Variants in BUB1 observed in about 807,000 individuals in gnomAD.
BUB1 encodes mitotic checkpoint serine/threonine-protein kinase BUB1.
A neutral mutation model predicts 135.2 loss-of-function variants in BUB1; 84 were observed. That is an observed-to-expected ratio of 0.62 (90% confidence interval 0.52 to 0.74). The LOEUF (loss-of-function observed/expected upper bound fraction) is 0.74, where lower values mean the gene tolerates loss of function less well. Among genes scored for constraint, BUB1 ranks in the 30% least tolerant of loss-of-function variants. The pLI, the probability that BUB1 is intolerant of heterozygous loss-of-function variation, is 0.00. For missense variants in BUB1, 1,162 were observed against 1,288.3 expected (o/e 0.90, Z 1.50); for synonymous variants, 403 against 434.4 (o/e 0.93, Z 0.90).
Position 110,641,746 on chromosome 2 carries a change from G to C in BUB1, c.2521C>G (p.Leu841Val). The C allele has an allele frequency of 6.2e-7, 1 of 1,611,182 alleles. No homozygotes were observed. The highest frequency in any genetic ancestry group is 1.1e-5 in the South Asian group (1 of 91,072). The change falls in exon 21 of 25, where the codon CTA (leucine) becomes GTA (valine). Residue 841 changes from leucine to valine, a missense_variant. Coordinates refer to ENST00000302759, the MANE Select transcript of BUB1 (RefSeq NM_004336.5). The stretch of plus-strand genomic sequence containing the variant: ...AACATGTGCTGCATAGATGGCTTTA[G>C]TCTTTCCATCAACTGGGTCCCAATG... ...FYIGTQLMER[L>V]KPSMQHMFMK...
chr2:110,658,803 C>T (rs1434685391), intron 11 of BUB1, 61 bp from the exon 12 acceptor site: 2 of 1,583,286 alleles, frequency 1.3e-6, no homozygotes, highest in South Asian at 1.1e-5. Context: ...ACTTAAAAGA[C>T]ACACAATTTA....
chr2:110,641,232 C>T (rs1335811733), intron 22 of BUB1, 27 bp from the exon 23 acceptor site: 1 of 1,587,450 alleles, frequency 6.3e-7, no homozygotes, highest in Admixed American at 1.8e-5. Flanking sequence ...CAAAGCCAGG[C>T]TGCATGAGCA....
In BUB1 at chr2:110,639,870, A is replaced by C. The variant is rs186775527; in HGVS notation, c.2956-22T>G. The stretch of plus-strand genomic sequence containing the variant: ...CGATCTATGAAGAAGATAGAGGTAT[A>C]TATGACTTAAATAGTAATTTACACA... On this transcript the variant is annotated intron_variant, in intron 23 of 24. Transcript: ENST00000302759. The C allele has an allele frequency of 3.6e-5, 56 of 1,571,214 alleles. 1 individual carries two copies. The highest frequency in any genetic ancestry group is 1.3e-4 in the Admixed American group (8 of 59,942).
chr2:110,659,569 A>G (rs1456956587), intron 11 of BUB1, among the ~76,000 whole-genome samples: 2 of 152,212 alleles, frequency 1.3e-5, no homozygotes, highest in East Asian at 3.9e-4. Flanking sequence ...CGGAGAAGTG[A>G]AAGCCCAACC....
chr2:110,655,794 C>A lies in BUB1; in HGVS notation c.1821G>T (p.Ala607=). 1 of 1,613,790 alleles carries A rather than the reference C, an allele frequency of 6.2e-7. No homozygotes were observed. Among genetic ancestry groups the A allele is most frequent in the Non-Finnish European group, 8.5e-7 (1 of 1,179,850 alleles). The part of the protein sequence containing the change: ...PGDFTSAAQL[A]STPFHKLPVE... ...CTGGAAGCTTGTGGAATGGTGTAGACGCAAGTTGTGCAGCAGATGTGAAGT... is the reference window on the plus strand; with the variant it reads ...CTGGAAGCTTGTGGAATGGTGTAGAAGCAAGTTGTGCAGCAGATGTGAAGT... Residue 607 remains alanine, a synonymous_variant, in exon 16 of 25, where the codon GCG becomes GCT. Coordinates refer to ENST00000302759, the MANE Select transcript of BUB1 (RefSeq NM_004336.5).
At chr2:110,645,000 A>G (rs1347117079) in intron 19 of BUB1, among the ~76,000 whole-genome samples, 1 of 152,238 alleles carries the variant, frequency 6.6e-6, no homozygotes, top group Non-Finnish European at 1.5e-5. Context: ...AGAGAATAGC[A>G]GACAAAGAAA....
At chr2:110,640,216 T>A (rs1689466727) in intron 23 of BUB1, among the ~76,000 whole-genome samples, 1 of 152,160 alleles carries the variant, frequency 6.6e-6, no homozygotes, top group Non-Finnish European at 1.5e-5. Flanking sequence ...CCATGGCCTC[T>A]TGTTGTGTGA....
At chr2:110,677,415 G>A (rs1284042050) in intron 1 of BUB1, among the ~76,000 whole-genome samples, 3 of 152,096 alleles carry the variant, frequency 2.0e-5, no homozygotes, top group Non-Finnish European at 4.4e-5. Flanking sequence ...AAAGGCGTGG[G>A]AACTTTAAGT....
intron 9 of BUB1, among the ~76,000 whole-genome samples, chr2:110,663,786 T>C (rs552981431): frequency 6.6e-6 from 1 of 152,228 alleles, no homozygotes; most frequent in East Asian, 1.9e-4. Flanking sequence ...CCCAACACTT[T>C]GGGGGGCCAA....
chr2:110,662,255 G>T (rs1268084179), intron 9 of BUB1, among the ~76,000 whole-genome samples: 1 of 151,894 alleles, frequency 6.6e-6, no homozygotes, highest in African/African-American at 2.4e-5. Flanking sequence ...CTTGAAAAAG[G>T]GAAAAAAATA....
At chr2:110,638,425 T>C (rs920023611) in intron 24 of BUB1, among the ~76,000 whole-genome samples, 1 of 152,196 alleles carries the variant, frequency 6.6e-6, no homozygotes, top group Admixed American at 6.5e-5. Context: ...ATTTTCTCTC[T>C]CTCCCTTTAA....
intron 16 of BUB1, among the ~76,000 whole-genome samples, chr2:110,654,891 G>A (rs115805074): frequency 0.017 from 2,657 of 152,182 alleles, 75 homozygotes; most frequent in African/African-American, 0.061. Context: ...TTTTAAAAGC[G>A]TGAGCAATGA....
chr2:110,665,244 T>C (rs1690213447), intron 9 of BUB1, among the ~76,000 whole-genome samples: 1 of 152,180 alleles, frequency 6.6e-6, no homozygotes. Flanking sequence ...TCATACACAA[T>C]AAGTCTGGAA....
chr2:110,639,970 G>A, intron 23 of BUB1, 122 bp from the exon 24 acceptor site: 2 of 844,714 alleles, frequency 2.4e-6, no homozygotes, highest in Non-Finnish European at 4.0e-6. Flanking sequence ...AAAACATTTT[G>A]GAAGGCATTT....
chr2:110,646,156 C>G (rs898986624), intron 19 of BUB1, among the ~76,000 whole-genome samples: 1 of 130,106 alleles, frequency 7.7e-6, no homozygotes, highest in Non-Finnish European at 1.5e-5. Flanking sequence ...AGCGAGAACC[C>G]TATCTCTACC....
chr2:110,673,182 G>A (rs918361960), intron 3 of BUB1, among the ~76,000 whole-genome samples: 11 of 152,212 alleles, frequency 7.2e-5, no homozygotes, highest in African/African-American at 2.2e-4. Flanking sequence ...TTCCTGGAGG[G>A]TGTCACACCT....
chr2:110,656,476 G>A (rs918148190), intron 15 of BUB1, among the ~76,000 whole-genome samples: 10 of 152,200 alleles, frequency 6.6e-5, no homozygotes, highest in Middle Eastern at 3.4e-3. Flanking sequence ...CAGAAACTCC[G>A]TAGAATGTCC....
At chr2:110,653,565 CAT>C (rs767173725) in intron 16 of BUB1, 42 bp from the exon 17 acceptor site, 3 of 1,500,620 alleles carry the variant, frequency 2.0e-6, no homozygotes, top group Non-Finnish European at 2.8e-6. Flanking sequence ...GTTAGATGCA[CAT>C]GTGTGCACAA....
chr2:110,642,226 G>A lies in BUB1; in HGVS notation c.2356C>T (p.Leu786=), dbSNP rs1396990894. 6.2e-7 allele frequency: 1 copy of A among 1,600,188 alleles called. No homozygotes were observed. Among genetic ancestry groups the A allele is most frequent in the African/African-American group, 1.3e-5 (1 of 74,146 alleles). ...PKTEFQLGSK[L]VYVHHLLGEG... ...CCAAGAAGGTGATGGACATAGACCA[G>A]CTTAGAACCTTAGAAGATAATTGAA... Residue 786 remains leucine (L), a synonymous_variant, in exon 20 of 25, where the codon CTG becomes TTG. Transcript: ENST00000302759.
Sources: gnomAD v4.1 joint callset for allele counts (sites outside exome capture counted in the v4.1 genomes callset) on GRCh38, gnomAD v4.1.1 for gene constraint, MANE v1.5 for transcripts, NCBI Gene and HGNC (gene_info 2026-07-23, HGNC 2026-07-21) for gene names.